PTPRD: variants seen among roughly 807,000 people sequenced by gnomAD.
PTPRD encodes the protein protein tyrosine phosphatase receptor type D.
Under a neutral mutation model 214.5 loss-of-function variants are expected in PTPRD, and 34 were observed. That is an observed-to-expected ratio of 0.16 (90% confidence interval 0.12 to 0.21). PTPRD has a LOEUF of 0.21. PTPRD is among the 10% of genes least tolerant of loss of function. The pLI, the probability that PTPRD is intolerant of heterozygous loss-of-function variation, is 1.00. For missense variants in PTPRD, 2,545 were observed against 2,398.7 expected, an observed-to-expected ratio of 1.06 and a Z score of -1.27; for synonymous variants, 1,128 against 845.7, an observed-to-expected ratio of 1.33 and a Z score of -5.79.
intron 11 of PTPRD, among the ~76,000 whole-genome samples, chr9:8,818,766 A>C (rs1309661417): frequency 6.6e-6 from 1 of 152,230 alleles, no homozygotes; most frequent in African/African-American, 2.4e-5. Context: ...CATTTATAAA[A>C]TTTCAAATAA....
intron 10 of PTPRD, among the ~76,000 whole-genome samples, chr9:9,176,010 C>T (rs1303941273): frequency 6.6e-6 from 1 of 152,130 alleles, no homozygotes; most frequent in Non-Finnish European, 1.5e-5. Context: ...CAACTCCTTC[C>T]CTCAGAATAA....
intron 11 of PTPRD, among the ~76,000 whole-genome samples, chr9:8,772,728 G>T (rs1285229805): frequency 6.6e-6 from 1 of 151,284 alleles, no homozygotes; most frequent in East Asian, 1.9e-4. Flanking sequence ...TTCTGAGTCA[G>T]TTTCAATAGG....
At chr9:9,800,507 T>C (rs2153506211) in intron 5 of PTPRD, 1 of 152,322 alleles carries the variant, frequency 6.6e-6, no homozygotes, top group South Asian at 2.1e-4. Flanking sequence ...TAAATGATTT[T>C]AAAAGATCCT....
chr9:9,879,634 T>C (rs10122130), intron 5 of PTPRD, among the ~76,000 whole-genome samples: 6,111 of 152,240 alleles, frequency 0.04, 214 homozygotes, highest in African/African-American at 0.095. Flanking sequence ...ACCAGGAATA[T>C]ACTGACTAAA....
At chr9:9,402,597 A>C (rs2071115515) in intron 8 of PTPRD, among the ~76,000 whole-genome samples, 1 of 152,120 alleles carries the variant, frequency 6.6e-6, no homozygotes, top group African/African-American at 2.4e-5. Context: ...ATCTTGAGTG[A>C]AAGTCAGTAC....
rs539744811 is a variant in PTPRD, at chr9:10,433,308, T to C, written c.-599-92291A>G. Among the ~76,000 whole-genome samples the C allele has an allele frequency of 6.6e-5, 10 of 152,106 alleles. No individual in the cohort carries two copies. In the South Asian group the frequency reaches 2.1e-3, roughly 32 times the overall value. ...TAAAAATATATTTTGAGATACACGCTGTCATCTACTGGACATAAATGTCTT... is the reference window on the plus strand; with the variant it reads ...TAAAAATATATTTTGAGATACACGCCGTCATCTACTGGACATAAATGTCTT... On this transcript the variant is annotated intron_variant, in intron 2 of 45. Transcript: ENST00000381196.
intron 38 of PTPRD, 113 bp downstream of exon 38, chr9:8,376,494 G>C: frequency 6.9e-7 from 1 of 1,450,040 alleles, no homozygotes; most frequent in East Asian, 2.4e-5. Flanking sequence ...ATTCTTCACT[G>C]TTGCCATTGA....
At chr9:8,629,292 A>C (rs2096165794) in intron 14 of PTPRD, among the ~76,000 whole-genome samples, 1 of 151,820 alleles carries the variant, frequency 6.6e-6, no homozygotes, top group African/African-American at 2.4e-5. Context: ...TCTTACTAGA[A>C]AGAAAAGTCT....
At chr9:9,850,266 G>A (rs1479664110) in intron 5 of PTPRD, among the ~76,000 whole-genome samples, 1 of 152,106 alleles carries the variant, frequency 6.6e-6, no homozygotes, top group Non-Finnish European at 1.5e-5. Flanking sequence ...TTCTAAACTT[G>A]AGGCTTGGGA....
intron 14 of PTPRD, among the ~76,000 whole-genome samples, chr9:8,603,420 C>T (rs2094992158): frequency 6.6e-6 from 1 of 152,202 alleles, no homozygotes; most frequent in Non-Finnish European, 1.5e-5. Flanking sequence ...AGACAGCTTT[C>T]TCCAGTCAGT....
At chr9:10,368,685 T>C (rs545570234) in intron 2 of PTPRD, among the ~76,000 whole-genome samples, 1 of 152,188 alleles carries the variant, frequency 6.6e-6, no homozygotes, top group Admixed American at 6.6e-5. Flanking sequence ...GGGAAGGAAC[T>C]AAAAAGACTT....
chr9:9,343,438 T>C (rs2047609959), intron 9 of PTPRD, among the ~76,000 whole-genome samples: 1 of 152,206 alleles, frequency 6.6e-6, no homozygotes, highest in Non-Finnish European at 1.5e-5. Context: ...GAGTGGTATC[T>C]CACTGTGGTT....
chr9:9,177,065 A>T (rs1322783477), intron 10 of PTPRD, among the ~76,000 whole-genome samples: 1 of 152,164 alleles, frequency 6.6e-6, no homozygotes. Flanking sequence ...TGGGTAATTT[A>T]TAAAGAAAAG....
At chr9:9,982,730 G>T (rs1220379994) in intron 4 of PTPRD, among the ~76,000 whole-genome samples, 2 of 151,786 alleles carry the variant, frequency 1.3e-5, no homozygotes, top group African/African-American at 4.8e-5. Flanking sequence ...TAAGGTCTCA[G>T]AGCAAAAGGT....
At chr9:8,388,051 G>A (rs2135561319) in intron 37 of PTPRD, among the ~76,000 whole-genome samples, 1 of 152,308 alleles carries the variant, frequency 6.6e-6, no homozygotes, top group East Asian at 1.9e-4. Flanking sequence ...ATACAATTCA[G>A]ATGTTTTGAA....
chr9:9,444,230 T>C (rs897505985), intron 8 of PTPRD, among the ~76,000 whole-genome samples: 2 of 152,186 alleles, frequency 1.3e-5, no homozygotes, highest in Admixed American at 1.3e-4. Flanking sequence ...GAGAGTTCTA[T>C]AATATGCTTT....
rs549627230 is a variant in PTPRD, at chr9:8,787,175, C to G, written c.-103-53229G>C. 2.6e-5 allele frequency among the ~76,000 whole-genome samples: 4 copies of G among 152,242 alleles called. No homozygotes were observed. The South Asian group carries it at 8.3e-4, about 32-fold the overall frequency. ...TAAACAGCCCAGAACTTACACATTC[C>G]TATTGCTATTGCATCCTTTTCCATA... is the stretch of plus-strand genomic sequence containing the variant. On this transcript the variant is annotated intron_variant, in intron 11 of 45. Transcript: ENST00000381196.
chr9:8,864,680 G>T (rs903011043), intron 11 of PTPRD, among the ~76,000 whole-genome samples: 7 of 152,130 alleles, frequency 4.6e-5, no homozygotes, highest in Non-Finnish European at 7.4e-5. Flanking sequence ...GCAGTTCAGG[G>T]ATTATAAATG....
In PTPRD at chr9:8,436,667, T is replaced by C; in HGVS notation, c.4011A>G (p.Ile1337Met). ...TGTGGTCTGCAAGTTCCAAGATGGG[T>C]ATTGGAGGATGGCTAGCCATACCTA... ...QTPGMASHPP[I>M]PILELADHIE... The change falls in exon 35 of 46, where the codon ATA becomes ATG. Residue 1337 changes from isoleucine (I) to methionine (M), a missense_variant. By Grantham distance (10) the Ile-to-Met change is conservative. Coordinates refer to ENST00000381196, the MANE Select transcript of PTPRD (RefSeq NM_002839.4). 2.5e-6 allele frequency: 4 copies of C among 1,613,256 alleles called. No homozygotes were observed. Among genetic ancestry groups the C allele is most frequent in the South Asian group, 1.1e-5 (1 of 91,032 alleles).
Sources: allele counts gnomAD v4.1 joint callset (sites outside exome capture counted in the v4.1 genomes callset), GRCh38; gene constraint gnomAD v4.1.1; transcripts MANE v1.5; gene names NCBI Gene and HGNC (gene_info 2026-07-23, HGNC 2026-07-21).